HEATR5A: variants seen among roughly 807,000 people sequenced by gnomAD.
The protein encoded by HEATR5A is HEAT repeat-containing protein 5A.
In HEATR5A, 178 loss-of-function variants were observed where a neutral mutation model predicts 218.8. The observed-to-expected ratio is 0.81, with a 90% CI of 0.72 to 0.92. The LOEUF (loss-of-function observed/expected upper bound fraction) is 0.92, where lower values mean the gene tolerates loss of function less well. Ranked by LOEUF, HEATR5A falls within the 40% of genes least tolerant of loss-of-function variation. The pLI is 0.00. For synonymous variants in HEATR5A, 864 were observed against 871.6 expected, an observed-to-expected ratio of 0.99 and a Z score of 0.15; for missense variants, 2,420 against 2,418.9, an observed-to-expected ratio of 1.00 and a Z score of -0.01.
In HEATR5A at chr14:31,313,150, T is replaced by G; in HGVS notation, c.4259A>C (p.Gln1420Pro). 6.2e-7 allele frequency: 1 copy of G among 1,613,894 alleles called. No individual in the cohort carries two copies. Among genetic ancestry groups the G allele is most frequent in the Non-Finnish European group, 8.5e-7 (1 of 1,179,778 alleles). ...IAVQRHKNHRQPLKTTTCLED... is the reference protein window; with the variant it reads ...IAVQRHKNHRPPLKTTTCLED... ...TAAACAGGTGGTAGTCTTCAAAGGTTGTCTGTGGTTTTTATGTCTTTGCAC... is the reference window on the plus strand; with the variant it reads ...TAAACAGGTGGTAGTCTTCAAAGGTGGTCTGTGGTTTTTATGTCTTTGCAC... The change falls in exon 28 of 36, where the codon CAA becomes CCA. Residue 1420 changes from glutamine (Q) to proline (P), a missense_variant. Coordinates refer to ENST00000543095, the MANE Select transcript of HEATR5A (RefSeq NM_015473.4).
chr14:31,306,102 A>G (rs1899546821), intron 31 of HEATR5A, among the ~76,000 whole-genome samples: 1 of 152,216 alleles, frequency 6.6e-6, no homozygotes, highest in Non-Finnish European at 1.5e-5. Context: ...AGGTTTTGTT[A>G]AAATTCTCAT....
chr14:31,359,113 G>A, intron 14 of HEATR5A, 56 bp from the exon 15 acceptor site: 2 of 1,529,558 alleles, frequency 1.3e-6, no homozygotes, highest in Non-Finnish European at 1.8e-6. Flanking sequence ...GTGAGAGTAT[G>A]GGATTTAAAA....
intron 13 of HEATR5A, among the ~76,000 whole-genome samples, chr14:31,364,980 T>C (rs1366757473): frequency 6.6e-6 from 1 of 152,048 alleles, no homozygotes; most frequent in East Asian, 1.9e-4. Flanking sequence ...GTTTAAGCAA[T>C]TCTTCTGCCT....
intron 23 of HEATR5A, among the ~76,000 whole-genome samples, chr14:31,324,796 T>G (rs1181334350): frequency 2.0e-5 from 3 of 151,996 alleles, no homozygotes; most frequent in African/African-American, 7.3e-5. Flanking sequence ...TCCTTGCAAT[T>G]TCTTGAGTAG....
intron 1 of HEATR5A, among the ~76,000 whole-genome samples, chr14:31,403,674 G>C (rs1430174231): frequency 6.6e-6 from 1 of 152,160 alleles, no homozygotes; most frequent in Non-Finnish European, 1.5e-5. Flanking sequence ...GTATTGTCCA[G>C]GAATTATAGC....
At chr14:31,410,525 T>C (rs182495053) in intron 1 of HEATR5A, among the ~76,000 whole-genome samples, 7 of 152,350 alleles carry the variant, frequency 4.6e-5, no homozygotes, top group Admixed American at 3.3e-4. Context: ...ACTTGAGATG[T>C]TGCTTAAAGA....
chr14:31,306,907 T>C, intron 30 of HEATR5A, 28 bp from the exon 31 acceptor site: 1 of 1,533,748 alleles, frequency 6.5e-7, no homozygotes. Context: ...TACAGGACAC[T>C]GTATTAGAAA....
intron 1 of HEATR5A, among the ~76,000 whole-genome samples, chr14:31,403,336 T>C (rs1414924361): frequency 6.6e-6 from 1 of 152,214 alleles, no homozygotes; most frequent in African/African-American, 2.4e-5. Context: ...AATTTTAAGA[T>C]TAGGCTGTTT....
At chr14:31,336,209 C>CAT (rs1900649354) in intron 22 of HEATR5A, among the ~76,000 whole-genome samples, 30 of 57,582 alleles carry the variant, frequency 5.2e-4, no homozygotes, top group Non-Finnish European at 7.9e-4. Flanking sequence ...TTTATATATA[C>CAT]ATACATACAT....
chr14:31,375,473 C>A (rs1902192535), intron 11 of HEATR5A, among the ~76,000 whole-genome samples: 1 of 152,172 alleles, frequency 6.6e-6, no homozygotes, highest in African/African-American at 2.4e-5. Flanking sequence ...CAGCTCACTG[C>A]AATCTCAATC....
chr14:31,342,555 T>C (rs1324393066), intron 21 of HEATR5A, among the ~76,000 whole-genome samples: 4 of 152,186 alleles, frequency 2.6e-5, no homozygotes, highest in Non-Finnish European at 5.9e-5. Context: ...GTAATCCTCA[T>C]GTTTTGCAGA....
intron 4 of HEATR5A, among the ~76,000 whole-genome samples, chr14:31,398,465 T>C (rs898152167): frequency 6.6e-6 from 1 of 152,214 alleles, no homozygotes; most frequent in African/African-American, 2.4e-5. Context: ...TATGAATACA[T>C]GAAATTCTAC....
intron 33 of HEATR5A, among the ~76,000 whole-genome samples, chr14:31,300,702 C>A (rs1227596978): frequency 6.6e-6 from 1 of 152,184 alleles, no homozygotes; most frequent in Non-Finnish European, 1.5e-5. Flanking sequence ...GCTCCTCAGA[C>A]AGATTTACTG....
intron 9 of HEATR5A, among the ~76,000 whole-genome samples, chr14:31,385,919 G>C (rs893598594): frequency 6.6e-6 from 1 of 152,050 alleles, no homozygotes; most frequent in Admixed American, 6.6e-5. Context: ...GTAGAGACGG[G>C]GTTTTGCCAT....
intron 10 of HEATR5A, among the ~76,000 whole-genome samples, chr14:31,381,138 C>T (rs2139272829): frequency 6.6e-6 from 1 of 152,172 alleles, no homozygotes; most frequent in South Asian, 2.1e-4. Flanking sequence ...GTCCCAGCTA[C>T]TCGGGAGGCT....
Position 31,386,530 on chromosome 14 carries a change from G to C in HEATR5A, c.1235C>G (p.Thr412Arg). 2 of 1,602,594 alleles carry C rather than the reference G, an allele frequency of 1.2e-6. No individual in the cohort carries two copies. Among genetic ancestry groups the C allele is most frequent in the South Asian group, 1.1e-5 (1 of 88,780 alleles). Residue 412 changes from threonine to arginine, a missense_variant, in exon 9 of 36, where the codon ACA (threonine) becomes AGA (arginine). By Grantham distance (71) the Thr-to-Arg change is moderately conservative. Coordinates refer to ENST00000543095, the MANE Select transcript of HEATR5A (RefSeq NM_015473.4). ...CATATGTTGGCTAGCGGCTACATCT[G>C]TGGAACCAAGCCGGGTTTCCAAATT... ...DGNLETRLGS[T>R]DVAASQHMLV...
At chr14:31,380,605 A>C (rs770969494) in intron 10 of HEATR5A, 27 bp from the exon 11 acceptor site, 12 of 1,413,810 alleles carry the variant, frequency 8.5e-6, no homozygotes, top group Non-Finnish European at 1.2e-5. Context: ...CAAGTTTTAA[A>C]AAAAGCATAT....
intron 11 of HEATR5A, among the ~76,000 whole-genome samples, chr14:31,378,108 T>C (rs2029867242): frequency 6.6e-6 from 1 of 152,216 alleles, no homozygotes; most frequent in African/African-American, 2.4e-5. Flanking sequence ...AAATAAAAGC[T>C]TGACTACATT....
rs1198825591 is a variant in HEATR5A at position 31,293,982 on chromosome 14, CTT to C, written c.5740_5741del (p.Lys1914GlufsTer4). ...GCTCAGCAGTGTTTTCAGGTTTTCT[CTT>C]GTCTATTTCCTGCAGTTTTTCCATG... ...CIMEKLQEID[K>X]RKPENTAELE... On this transcript the variant is annotated frameshift_variant, in exon 35 of 36. Coordinates refer to ENST00000543095, the MANE Select transcript of HEATR5A (RefSeq NM_015473.4). LOFTEE classifies it high-confidence loss of function. 3 of 1,606,740 alleles carry C rather than the reference CTT, an allele frequency of 1.9e-6. No individual in the cohort carries two copies. The highest frequency in any genetic ancestry group is 2.2e-5 in the South Asian group (2 of 89,438).
Sources: allele counts gnomAD v4.1 joint callset (sites outside exome capture counted in the v4.1 genomes callset), GRCh38; gene constraint gnomAD v4.1.1; transcripts MANE v1.5; gene names NCBI Gene and HGNC (gene_info 2026-07-23, HGNC 2026-07-21).